RTKN2: variants seen among roughly 807,000 people sequenced by gnomAD.
The protein encoded by RTKN2 is rhotekin-2.
In RTKN2, 69 loss-of-function variants were observed where a neutral mutation model predicts 71.5. The observed-to-expected ratio is 0.96, with a 90% confidence interval of 0.79 to 1.18. The LOEUF is 1.18. Among genes scored for constraint, RTKN2 ranks in the 50% most tolerant of loss-of-function variants. The pLI, the probability that RTKN2 is intolerant of heterozygous loss-of-function variation, is 0.00. For synonymous variants in RTKN2, 236 were observed against 236.5 expected (o/e 1.00, Z 0.02); for missense variants, 724 against 719.7 (o/e 1.01, Z -0.07).
chr10:62,212,570 G>T, intron 9 of RTKN2, among the ~76,000 whole-genome samples: 1 of 151,796 alleles, frequency 6.6e-6, no homozygotes, highest in Non-Finnish European at 1.5e-5. Flanking sequence ...AGGTGTGGTG[G>T]CACGTACCTG....
chr10:62,221,207 T>C (rs902213018), intron 7 of RTKN2, among the ~76,000 whole-genome samples: 1 of 151,764 alleles, frequency 6.6e-6, no homozygotes, highest in African/African-American at 2.4e-5. Flanking sequence ...TGTTCTAAAG[T>C]CCTTGCATTG....
Position 62,193,852 on chromosome 10 carries a change from A to G in RTKN2, c.*4056T>C. The G allele has an allele frequency of 1.0e-6, 1 of 977,520 alleles. No individual in the cohort carries two copies. The highest frequency in any genetic ancestry group is 1.2e-6 in the Non-Finnish European group (1 of 822,688). The allele number at this position is 977,520 out of a possible 1,614,324, so 60.6% of individuals were successfully genotyped here. A position where few individuals can be genotyped will look rare whatever the true frequency, so the allele number is the denominator to read the frequency against. ...TAAACATTTTAATAATGTTAATTAT[A>G]CCATGGCTTATCAGAATGTTAGTCT... On this transcript the variant is annotated 3_prime_UTR_variant, in exon 12 of 12. Transcript: ENST00000373789.
rs752365117 is a variant in RTKN2, at chr10:62,195,250, CTT to C, written c.*2656_*2657del. On this transcript the variant is annotated 3_prime_UTR_variant, in exon 12 of 12. Coordinates refer to ENST00000373789, the MANE Select transcript of RTKN2 (RefSeq NM_145307.4). ...TATTATCAAGAGCTGACAGCTAACT[CTT>C]TGTTTCAAGTTTATAGTCTTCATAT... 5.0e-4 allele frequency: 487 copies of C among 981,944 alleles called. No homozygotes were observed. The highest frequency in any genetic ancestry group is 5.7e-4 in the Non-Finnish European group (468 of 826,962). The allele number at this position is 981,944 out of a possible 1,614,324, so 60.8% of individuals were successfully genotyped here. A position where few individuals can be genotyped will look rare whatever the true frequency, so the allele number is the denominator to read the frequency against.
At chr10:62,253,977 T>G (rs569811436) in intron 2 of RTKN2, among the ~76,000 whole-genome samples, 2 of 152,244 alleles carry the variant, frequency 1.3e-5, no homozygotes, top group African/African-American at 4.8e-5. Context: ...AGTGGCTGAT[T>G]CTTGGGGTGG....
At chr10:62,205,952 T>C (rs1037038965) in intron 9 of RTKN2, among the ~76,000 whole-genome samples, 1 of 152,188 alleles carries the variant, frequency 6.6e-6, no homozygotes, top group Non-Finnish European at 1.5e-5. Flanking sequence ...AGGGCAATGC[T>C]GTCCAGTATA....
rs756082790 is a variant in RTKN2 at position 62,197,927 on chromosome 10, C to T, written c.1811G>A (p.Trp604Ter). 2.5e-6 allele frequency: 4 copies of T among 1,612,384 alleles called. No homozygotes were observed. In the East Asian group the frequency reaches 8.9e-5, roughly 36 times the overall value. ...SIKDILDPRSWLQAQV is the reference protein window; with the variant it reads ...SIKDILDPRS ...AGTTTTCTATACTTGTGCCTGCAGC[C>T]ATGATCTAGGGTCCAGAATGTCTTT... The change falls in exon 12 of 12, where the codon TGG becomes TAG. Residue 604 changes from tryptophan to a stop codon, truncating the protein, a stop_gained. Coordinates refer to ENST00000373789, the MANE Select transcript of RTKN2 (RefSeq NM_145307.4). LOFTEE classifies it high-confidence loss of function.
chr10:62,243,151 A>AGTCCC (rs1298000917), intron 3 of RTKN2, among the ~76,000 whole-genome samples: 1 of 108,036 alleles, frequency 9.3e-6, no homozygotes, highest in Non-Finnish European at 1.8e-5. Context: ...ACCCCACAAC[A>AGTCCC]GTCCCCAGTG....
chr10:62,196,329 A>T lies in RTKN2; in HGVS notation c.*1579T>A, dbSNP rs1841330694. 1.0e-6 allele frequency: 1 copy of T among 983,752 alleles called. No individual in the cohort carries two copies. Among genetic ancestry groups the T allele is most frequent in the South Asian group, 4.7e-5 (1 of 21,268 alleles). The allele number at this position is 983,752 out of a possible 1,614,324, so 60.9% of individuals were successfully genotyped here. A position where few individuals can be genotyped will look rare whatever the true frequency, so the allele number is the denominator to read the frequency against. ...TGATGATCTCTACATGCTATCAAGCAGGCATATAGTACTTTCTTCTCACCA... is the reference window on the plus strand; with the variant it reads ...TGATGATCTCTACATGCTATCAAGCTGGCATATAGTACTTTCTTCTCACCA... On this transcript the variant is annotated 3_prime_UTR_variant, in exon 12 of 12. Transcript: ENST00000373789.
chr10:62,207,892 T>C (rs146637570), intron 9 of RTKN2, among the ~76,000 whole-genome samples: 113 of 152,296 alleles, frequency 7.4e-4, no homozygotes, highest in Middle Eastern at 3.4e-3. Context: ...AAGCCCAGCG[T>C]TTCCTGTATT....
intron 2 of RTKN2, among the ~76,000 whole-genome samples, chr10:62,248,790 A>G (rs1842524049): frequency 6.6e-6 from 1 of 152,212 alleles, no homozygotes; most frequent in Non-Finnish European, 1.5e-5. Flanking sequence ...CCTACCTTAT[A>G]TTGTTCCAAG....
intron 6 of RTKN2, among the ~76,000 whole-genome samples, chr10:62,224,338 G>GA (rs5785517): frequency 0.76 from 115,372 of 151,942 alleles, 43,895 homozygotes; most frequent in East Asian, 0.9. Flanking sequence ...CTACAAAAAA[G>GA]AAAAAATTTA....
At chr10:62,238,546 G>C (rs1842305876) in intron 5 of RTKN2, 2 of 151,872 alleles carry the variant, frequency 1.3e-5, no homozygotes, top group South Asian at 4.1e-4. Context: ...AGTTGATAAT[G>C]GAAATAAATG....
chr10:62,217,278 A>G, intron 8 of RTKN2, 29 bp from the exon 9 acceptor site: 1 of 1,454,432 alleles, frequency 6.9e-7, no homozygotes, highest in Non-Finnish European at 9.2e-7. Context: ...AAATCAAGAG[A>G]CTATCAATTT....
chr10:62,254,127 A>C (rs1473814450), intron 2 of RTKN2, among the ~76,000 whole-genome samples: 1 of 152,176 alleles, frequency 6.6e-6, no homozygotes, highest in Non-Finnish European at 1.5e-5. Context: ...ACAAGACCAT[A>C]AGAAAAAGTT....
At chr10:62,266,546 C>CTGGA (rs58603496) in intron 1 of RTKN2, among the ~76,000 whole-genome samples, 110,069 of 151,348 alleles carry the variant, frequency 0.73, 40,306 homozygotes, top group East Asian at 0.89. Context: ...GGGAATGGAA[C>CTGGA]TGGAGACCGA....
At chr10:62,267,504 C>CT (rs1842888260) in intron 1 of RTKN2, among the ~76,000 whole-genome samples, 1 of 152,178 alleles carries the variant, frequency 6.6e-6, no homozygotes, top group Non-Finnish European at 1.5e-5. Flanking sequence ...ACATCAAAAT[C>CT]TTTGAAATTT....
intron 10 of RTKN2, among the ~76,000 whole-genome samples, chr10:62,202,943 C>T (rs1002920408): frequency 7.2e-5 from 11 of 152,118 alleles, no homozygotes; most frequent in African/African-American, 2.7e-4. Context: ...GGCGGATCAC[C>T]TGAGGTCTGG....
intron 5 of RTKN2, chr10:62,238,453 T>C (rs970993075): frequency 6.6e-6 from 1 of 151,784 alleles, no homozygotes; most frequent in African/African-American, 2.4e-5. Flanking sequence ...GTCTCCATGA[T>C]CAAAACAAAC....
At chr10:62,241,380 A>G (rs1402208583) in intron 3 of RTKN2, among the ~76,000 whole-genome samples, 185 bp from the exon 4 acceptor site, 3 of 152,198 alleles carry the variant, frequency 2.0e-5, no homozygotes, top group African/African-American at 7.2e-5. Flanking sequence ...AATCTGTCAA[A>G]TTTTTGTGAG....
Sources: allele counts gnomAD v4.1 joint callset (sites outside exome capture counted in the v4.1 genomes callset), GRCh38; gene constraint gnomAD v4.1.1; transcripts MANE v1.5; gene names NCBI Gene and HGNC (gene_info 2026-07-23, HGNC 2026-07-21).